CARMIL1: variants seen among roughly 807,000 people sequenced by gnomAD.
The protein encoded by CARMIL1 is F-actin-uncapping protein LRRC16A.
In CARMIL1, 90 loss-of-function variants were observed where a neutral mutation model predicts 177.1. The ratio of observed to expected loss-of-function variants is 0.51; its 90% CI spans 0.43 to 0.61. The LOEUF is 0.61. Among genes scored for constraint, CARMIL1 ranks in the 20% least tolerant of loss-of-function variants. CARMIL1 has a pLI of 0.00. For missense variants in CARMIL1, 1,380 were observed against 1,667.0 expected, an observed-to-expected ratio of 0.83 and a Z score of 3.00; for synonymous variants, 577 against 606.2, an observed-to-expected ratio of 0.95 and a Z score of 0.71.
rs56012794 is a variant in CARMIL1, at chr6:25,404,755, TA to T, written c.139-15342del. On this transcript the variant is annotated intron_variant, in intron 2 of 36. Transcript: ENST00000329474. ...TGGGTGACAGAGTGAGACTTCGTCT[TA>T]AAAAAAAAAAAAAAAATAGAGGTGC... is the stretch of plus-strand genomic sequence containing the variant. Among the ~76,000 whole-genome samples, 519 of 139,328 alleles carry T rather than the reference TA, an allele frequency of 3.7e-3. 1 individual carries two copies. Among genetic ancestry groups the T allele is most frequent in the African/African-American group, 0.011 (399 of 37,272 alleles). 91.4% of individuals were successfully genotyped at this position (139,328 alleles called of 152,430 possible). A position where few individuals can be genotyped will look rare whatever the true frequency, so the allele number is the denominator to read the frequency against.
At chr6:25,297,236 CA>C (rs1338098977) in intron 2 of CARMIL1, among the ~76,000 whole-genome samples, 1 of 152,230 alleles carries the variant, frequency 6.6e-6, no homozygotes, top group Non-Finnish European at 1.5e-5. Context: ...TGTTGATAAT[CA>C]AAACTAGGCT....
intron 24 of CARMIL1, among the ~76,000 whole-genome samples, chr6:25,531,664 AG>A (rs1406869249): frequency 6.6e-6 from 1 of 152,242 alleles, no homozygotes; most frequent in Non-Finnish European, 1.5e-5. Context: ...TTTTCCTGCA[AG>A]GAACTAATAC....
At chr6:25,462,605 T>A (rs1019795669) in intron 8 of CARMIL1, among the ~76,000 whole-genome samples, 1 of 152,190 alleles carries the variant, frequency 6.6e-6, no homozygotes, top group African/African-American at 2.4e-5. Flanking sequence ...CTGTTGTACG[T>A]GCTATTCCTA....
chr6:25,353,712 T>C (rs571849531), intron 2 of CARMIL1, among the ~76,000 whole-genome samples: 2 of 152,362 alleles, frequency 1.3e-5, no homozygotes, highest in South Asian at 4.1e-4. Flanking sequence ...TACGTTTCTC[T>C]TAGATTCTTC....
At chr6:25,466,878 A>G (rs1416875176) in intron 9 of CARMIL1, among the ~76,000 whole-genome samples, 1 of 152,198 alleles carries the variant, frequency 6.6e-6, no homozygotes, top group African/African-American at 2.4e-5. Context: ...TGAACTTGGA[A>G]TAAGAAACCT....
At chr6:25,296,943 C>CTATCCT (rs1554153634) in intron 2 of CARMIL1, among the ~76,000 whole-genome samples, 3 of 72,766 alleles carry the variant, frequency 4.1e-5, no homozygotes, top group Admixed American at 1.5e-4. Flanking sequence ...CTTTAACTAA[C>CTATCCT]TAACTAACTA....
intron 2 of CARMIL1, among the ~76,000 whole-genome samples, chr6:25,295,170 G>T (rs1013170657): frequency 2.0e-5 from 3 of 151,344 alleles, no homozygotes; most frequent in Admixed American, 6.6e-5. Flanking sequence ...TATAATCATT[G>T]GAAAAAAAAT....
intron 18 of CARMIL1, 133 bp from the exon 19 acceptor site, chr6:25,510,374 T>C: frequency 1.7e-6 from 1 of 574,106 alleles, no homozygotes; most frequent in Non-Finnish European, 3.1e-6. Context: ...AAATAAAAGA[T>C]TAGAATCCCA....
intron 1 of CARMIL1, among the ~76,000 whole-genome samples, chr6:25,281,468 A>G (rs1477717527): frequency 1.3e-5 from 2 of 152,120 alleles, no homozygotes; most frequent in Non-Finnish European, 2.9e-5. Context: ...CTTAGGCCCA[A>G]GAGAAAGAGT....
intron 2 of CARMIL1, among the ~76,000 whole-genome samples, chr6:25,301,661 A>G (rs892486230): frequency 3.3e-5 from 5 of 152,170 alleles, no homozygotes; most frequent in Non-Finnish European, 5.9e-5. Flanking sequence ...TCGTTGAAGC[A>G]GTGACTCTCA....
At chr6:25,311,683 T>A in intron 2 of CARMIL1, among the ~76,000 whole-genome samples, 1 of 146,666 alleles carries the variant, frequency 6.8e-6, no homozygotes, top group Non-Finnish European at 1.5e-5. Flanking sequence ...TAGCCATCCA[T>A]CCCCCCAACC....
chr6:25,337,609 G>A (rs1321180741), intron 2 of CARMIL1, among the ~76,000 whole-genome samples: 1 of 152,228 alleles, frequency 6.6e-6, no homozygotes, highest in Non-Finnish European at 1.5e-5. Context: ...TTCTCTGAAA[G>A]GTGCTATAGA....
chr6:25,315,102 T>C (rs1349940495), intron 2 of CARMIL1, among the ~76,000 whole-genome samples: 1 of 149,114 alleles, frequency 6.7e-6, no homozygotes, highest in Non-Finnish European at 1.5e-5. Context: ...TATCTTCCTT[T>C]TACAGATGAA....
At chr6:25,464,020 C>T (rs1299869892) in intron 8 of CARMIL1, among the ~76,000 whole-genome samples, 2 of 151,908 alleles carry the variant, frequency 1.3e-5, no homozygotes, top group African/African-American at 4.8e-5. Context: ...GACGGGGTTT[C>T]ACCGTTTTAG....
chr6:25,354,900 G>C (rs957770512), intron 2 of CARMIL1, among the ~76,000 whole-genome samples: 1 of 152,154 alleles, frequency 6.6e-6, no homozygotes, highest in Non-Finnish European at 1.5e-5. Context: ...TCTGCTTATA[G>C]ACCCAGTGTG....
intron 2 of CARMIL1, among the ~76,000 whole-genome samples, chr6:25,308,376 CA>C (rs1267853431): frequency 5.3e-4 from 74 of 139,570 alleles, no homozygotes; most frequent in African/African-American, 1.9e-3. Flanking sequence ...ATTGTACAAC[CA>C]TTTTTTTTTT....
chr6:25,605,012 G>A (rs1815810635), intron 34 of CARMIL1, 119 bp downstream of exon 34: 1 of 750,238 alleles, frequency 1.3e-6, no homozygotes, highest in African/African-American at 1.8e-5. Context: ...TCTTTGTTGT[G>A]TGTTCTCAGC....
intron 2 of CARMIL1, among the ~76,000 whole-genome samples, chr6:25,346,310 G>A (rs1237416797): frequency 6.8e-6 from 1 of 148,088 alleles, no homozygotes; most frequent in Non-Finnish European, 1.5e-5. Flanking sequence ...GTCCAGGCCT[G>A]AGTCTACCTC....
At chr6:25,480,247 A>G (rs1001629309) in intron 11 of CARMIL1, among the ~76,000 whole-genome samples, 4 of 152,102 alleles carry the variant, frequency 2.6e-5, no homozygotes, top group Non-Finnish European at 5.9e-5. Flanking sequence ...ATTAGCTACT[A>G]ATAGAAGTGT....
Sources: allele counts gnomAD v4.1 joint callset (sites outside exome capture counted in the v4.1 genomes callset), GRCh38; gene constraint gnomAD v4.1.1; transcripts MANE v1.5; gene names NCBI Gene and HGNC (gene_info 2026-07-23, HGNC 2026-07-21).